Variants in SNX25 observed in about 807,000 individuals in gnomAD.
SNX25 encodes sorting nexin 25.
A neutral mutation model predicts 113.7 loss-of-function variants in SNX25; 62 were observed. That is an observed-to-expected ratio of 0.55 (90% CI 0.44 to 0.67). The LOEUF is 0.67. Among genes scored for constraint, SNX25 ranks in the 30% least tolerant of loss-of-function variants. SNX25 has a pLI of 0.00. For missense variants in SNX25, 1,014 were observed against 1,161.0 expected, an observed-to-expected ratio of 0.87 and a Z score of 1.84; for synonymous variants, 421 against 436.2, an observed-to-expected ratio of 0.97 and a Z score of 0.43.
At chr4:185,348,244 A>G (rs1411311935) in intron 13 of SNX25, among the ~76,000 whole-genome samples, 3 of 152,194 alleles carry the variant, frequency 2.0e-5, no homozygotes, top group Non-Finnish European at 2.9e-5. Context: ...CTCATAAAAC[A>G]TGTTTTGCCT....
intron 7 of SNX25, 132 bp downstream of exon 7, chr4:185,310,948 C>G: frequency 4.6e-6 from 4 of 875,930 alleles, no homozygotes; most frequent in Non-Finnish European, 6.8e-6. Context: ...CTGACATTTG[C>G]TCTATGAGTC....
intron 7 of SNX25, among the ~76,000 whole-genome samples, chr4:185,318,170 C>G (rs1026914921): frequency 6.6e-6 from 1 of 152,108 alleles, no homozygotes; most frequent in Admixed American, 6.5e-5. Flanking sequence ...AAATATCTTA[C>G]TGGTGACATT....
At chr4:185,253,337 G>T (rs1350499508) in intron 2 of SNX25, among the ~76,000 whole-genome samples, 5 of 151,952 alleles carry the variant, frequency 3.3e-5, no homozygotes, top group Admixed American at 2.0e-4. Flanking sequence ...AGAAAACTCC[G>T]AAAAACAACA....
chr4:185,335,314 T>TCACA (rs1491499009), intron 10 of SNX25, among the ~76,000 whole-genome samples: 1 of 74,088 alleles, frequency 1.3e-5, no homozygotes, highest in African/African-American at 5.8e-5. Context: ...AGTGAAAAAG[T>TCACA]CTCACACACA....
chr4:185,314,324 C>CAAAA (rs35324892), intron 7 of SNX25, among the ~76,000 whole-genome samples: 25 of 75,042 alleles, frequency 3.3e-4, no homozygotes, highest in African/African-American at 5.1e-4. Context: ...CCCCTCTCTA[C>CAAAA]AAAAAAAAAA....
At chr4:185,208,306 G>A (rs181928032), upstream of SNX25, among the ~76,000 whole-genome samples, 175 of 151,958 alleles carry the variant, frequency 1.2e-3, no homozygotes, top group Middle Eastern at 6.8e-3. Context: ...GTGAGCCACC[G>A]TGCCCGCCCC....
intron 1 of SNX25, among the ~76,000 whole-genome samples, chr4:185,234,994 A>G (rs989661201): frequency 1.3e-5 from 2 of 152,196 alleles, no homozygotes; most frequent in African/African-American, 4.8e-5. Flanking sequence ...TGTCATGGTA[A>G]TAATAAGGGG....
chr4:185,278,797 T>C (rs998999042), intron 5 of SNX25, among the ~76,000 whole-genome samples: 1 of 152,166 alleles, frequency 6.6e-6, no homozygotes, highest in Admixed American at 6.5e-5. Flanking sequence ...ATGAAACATA[T>C]ACGAATGGTG....
At chr4:185,213,522 G>C (rs953131923) in intron 1 of SNX25, among the ~76,000 whole-genome samples, 2 of 152,174 alleles carry the variant, frequency 1.3e-5, no homozygotes, top group African/African-American at 4.8e-5. Context: ...GCGGAACTGT[G>C]ATGCTCTAGG....
chr4:185,319,532 CT>C (rs2095103904), intron 7 of SNX25, among the ~76,000 whole-genome samples: 1 of 149,168 alleles, frequency 6.7e-6, no homozygotes, highest in Non-Finnish European at 1.5e-5. Context: ...TTTTTTATCA[CT>C]TTTCCCCTTT....
chr4:185,304,725 GC>G (rs1282635171), intron 6 of SNX25, among the ~76,000 whole-genome samples: 1 of 152,142 alleles, frequency 6.6e-6, no homozygotes, highest in African/African-American at 2.4e-5. Context: ...CTGGCCTCAA[GC>G]CATCCTCCCA....
chr4:185,216,923 G>A (rs541786342), intron 1 of SNX25, among the ~76,000 whole-genome samples: 1 of 152,278 alleles, frequency 6.6e-6, no homozygotes, highest in East Asian at 1.9e-4. Context: ...TACATGTACC[G>A]TTTGAGATTT....
intron 1 of SNX25, among the ~76,000 whole-genome samples, chr4:185,236,836 G>C (rs1012345116): frequency 2.0e-5 from 3 of 151,872 alleles, no homozygotes; most frequent in African/African-American, 4.8e-5. Flanking sequence ...TCTATTTTAC[G>C]TATGAGGAAA....
intron 5 of SNX25, among the ~76,000 whole-genome samples, chr4:185,275,732 A>G (rs574382935): frequency 6.6e-6 from 1 of 152,352 alleles, no homozygotes; most frequent in South Asian, 2.1e-4. Context: ...GAAATAAGAA[A>G]TCAAGTGTAC....
chr4:185,264,290 G>GAGTT, intron 3 of SNX25, 148 bp from the exon 4 acceptor site: 1 of 734,308 alleles, frequency 1.4e-6, no homozygotes, highest in Non-Finnish European at 2.1e-6. Context: ...TTTTCCAGAT[G>GAGTT]AGTTGATGGT....
intron 11 of SNX25, among the ~76,000 whole-genome samples, chr4:185,369,063 G>A (rs888663015): frequency 6.6e-6 from 1 of 151,956 alleles, no homozygotes; most frequent in Non-Finnish European, 1.5e-5. Flanking sequence ...CAAAGTGCTG[G>A]GATTACAGGC....
At chr4:185,377,858 G>T in the SNX25 span, 1 of 451,442 alleles carries the variant, frequency 2.2e-6, no homozygotes, top group Non-Finnish European at 3.9e-6. Context: ...CTTAAGTCCT[G>T]AGAGTAAAAT....
At chr4:185,280,783 T>G (rs141045598) in intron 5 of SNX25, among the ~76,000 whole-genome samples, 1 of 152,266 alleles carries the variant, frequency 6.6e-6, no homozygotes, top group Non-Finnish European at 1.5e-5. Flanking sequence ...TGGAATTATG[T>G]CAGTAAGAAT....
rs1737535527 is a variant in SNX25, at chr4:185,210,322, C to T, written c.429+67C>T. On this transcript the variant is annotated intron_variant, in intron 1 of 18. Coordinates refer to ENST00000652585, the MANE Select transcript of SNX25 (RefSeq NM_001378034.2). This position sits in a 1 kb window ranked among gnomAD's most constrained non-coding sequence, Gnocchi z 4.4. ...CCCGCTTCCGGTGCCAGCTCCCGCGCCCCGAGCTCCGGGGGGCCGCGGCAT... is the reference window on the plus strand; with the variant it reads ...CCCGCTTCCGGTGCCAGCTCCCGCGTCCCGAGCTCCGGGGGGCCGCGGCAT... 2 of 984,622 alleles carry T rather than the reference C, an allele frequency of 2.0e-6. No individual in the cohort carries two copies. The highest frequency in any genetic ancestry group is 9.4e-5 in the South Asian group (2 of 21,284). The allele number at this position is 984,622 out of a possible 1,614,324, so 61.0% of individuals were successfully genotyped here. A position where few individuals can be genotyped will look rare whatever the true frequency, so the allele number is the denominator to read the frequency against.
Sources: gnomAD v4.1 joint callset for allele counts (sites outside exome capture counted in the v4.1 genomes callset) on GRCh38, gnomAD v4.1.1 for gene constraint, Gnocchi (gnomAD v3.1) non-coding constraint, MANE v1.5 for transcripts, NCBI Gene and HGNC (gene_info 2026-07-23, HGNC 2026-07-21) for gene names.